Variants in COL21A1 observed in about 807,000 individuals in gnomAD.
COL21A1 encodes the protein collagen type XXI alpha 1 chain.
In COL21A1, 149 loss-of-function variants were observed where a neutral mutation model predicts 137.9. That is an observed-to-expected ratio of 1.08 (90% CI 0.95 to 1.24). The LOEUF (loss-of-function observed/expected upper bound fraction) is 1.24, where lower values mean the gene tolerates loss of function less well. COL21A1 is among the 50% of genes most tolerant of loss of function. COL21A1 has a pLI of 0.00. For synonymous variants in COL21A1, 456 were observed against 391.5 expected (o/e 1.16, Z -1.95); for missense variants, 1,167 against 1,158.4 (o/e 1.01, Z -0.11).
At chr6:56,198,922 T>G (rs905534383) in intron 1 of COL21A1, among the ~76,000 whole-genome samples, 1 of 152,068 alleles carries the variant, frequency 6.6e-6, no homozygotes, top group African/African-American at 2.4e-5. Flanking sequence ...AATTAAAACA[T>G]GAGTTTTCTT....
At chr6:56,066,283 A>G (rs1041328037) in intron 23 of COL21A1, among the ~76,000 whole-genome samples, 2 of 151,944 alleles carry the variant, frequency 1.3e-5, no homozygotes, top group Non-Finnish European at 2.9e-5. Flanking sequence ...CCACTCTAAA[A>G]CATCTTATGT....
intron 3 of COL21A1, among the ~76,000 whole-genome samples, chr6:56,172,992 A>T (rs1777182621): frequency 6.6e-6 from 1 of 152,150 alleles, no homozygotes; most frequent in African/African-American, 2.4e-5. Flanking sequence ...AGGGACAAAA[A>T]GCTACAGGAA....
chr6:56,070,879 T>C (rs1373921889), intron 20 of COL21A1, 81 bp from the exon 21 acceptor site: 26 of 1,033,596 alleles, frequency 2.5e-5, no homozygotes, highest in Non-Finnish European at 3.5e-5. Context: ...TAAGGGAATA[T>C]ATGTAAAATA....
chr6:56,171,623 C>T (rs1440543023), intron 3 of COL21A1, among the ~76,000 whole-genome samples: 1 of 151,810 alleles, frequency 6.6e-6, no homozygotes, highest in East Asian at 1.9e-4. Context: ...ATTTTCTGTT[C>T]TTGATTTTCT....
chr6:56,161,302 T>C (rs1206892358), intron 9 of COL21A1, among the ~76,000 whole-genome samples: 4 of 152,176 alleles, frequency 2.6e-5, no homozygotes, highest in African/African-American at 9.6e-5. Context: ...CATCTAACGT[T>C]TCAGGTTAGA....
intron 25 of COL21A1, 105 bp from the exon 26 acceptor site, chr6:56,061,142 A>C: frequency 7.8e-6 from 7 of 898,524 alleles, no homozygotes; most frequent in Non-Finnish European, 1.1e-5. Context: ...TACATATGTA[A>C]ATATGTAAGG....
chr6:56,284,468 C>G (rs562080528), intron 1 of COL21A1, among the ~76,000 whole-genome samples: 100 of 152,140 alleles, frequency 6.6e-4, no homozygotes, highest in African/African-American at 2.2e-3. Context: ...ATCAACTTAC[C>G]ACATTTGATT....
intron 1 of COL21A1, among the ~76,000 whole-genome samples, chr6:56,257,517 G>T (rs1195002179): frequency 6.6e-6 from 1 of 151,990 alleles, no homozygotes; most frequent in African/African-American, 2.4e-5. Context: ...TAATGGGCAA[G>T]AAAAAATGAA....
intron 1 of COL21A1, among the ~76,000 whole-genome samples, chr6:56,252,902 G>A (rs2152329404): frequency 6.6e-6 from 1 of 152,260 alleles, no homozygotes; most frequent in East Asian, 1.9e-4. Flanking sequence ...AATGACAGGG[G>A]CCACCTCTAT....
At chr6:56,281,263 T>G (rs1419723418) in intron 1 of COL21A1, among the ~76,000 whole-genome samples, 3 of 152,190 alleles carry the variant, frequency 2.0e-5, no homozygotes, top group Non-Finnish European at 2.9e-5. Context: ...TGAAGATCAT[T>G]GCCTTTCAAT....
At chr6:56,345,187 C>T (rs986511618) in intron 1 of COL21A1, among the ~76,000 whole-genome samples, 1 of 152,016 alleles carries the variant, frequency 6.6e-6, no homozygotes, top group Non-Finnish European at 1.5e-5. Context: ...AAGAGCAACA[C>T]GGATTACTTC....
At chr6:56,074,035 A>AT (rs1766992045) in intron 20 of COL21A1, among the ~76,000 whole-genome samples, 197 bp downstream of exon 20, 1 of 151,466 alleles carries the variant, frequency 6.6e-6, no homozygotes. Context: ...CCTTTCCAAC[A>AT]TAACAGGATG....
chr6:56,057,464 G>A lies in COL21A1; in HGVS notation c.*193C>T. The A allele has an allele frequency of 3.4e-6, 2 of 592,530 alleles. No homozygotes were observed. Among genetic ancestry groups the A allele is most frequent in the Non-Finnish European group, 5.9e-6 (2 of 341,726 alleles). The allele number at this position is 592,530 out of a possible 1,614,324, so 36.7% of individuals were successfully genotyped here. ...GATTTAATTAATGCTGCTAATCCAAGGGCTCCAAATGACTGAGGAGCCTTT... is the reference window on the plus strand; with the variant it reads ...GATTTAATTAATGCTGCTAATCCAAAGGCTCCAAATGACTGAGGAGCCTTT... On this transcript the variant is annotated 3_prime_UTR_variant, in exon 30 of 30. Coordinates refer to ENST00000244728, the MANE Select transcript of COL21A1 (RefSeq NM_030820.4).
chr6:56,112,421 A>G (rs1223226735), intron 16 of COL21A1, among the ~76,000 whole-genome samples: 1 of 152,180 alleles, frequency 6.6e-6, no homozygotes. Context: ...TCAGGTGAGC[A>G]CTCACAGTAC....
intron 1 of COL21A1, among the ~76,000 whole-genome samples, chr6:56,278,052 G>A (rs1054934124): frequency 2.6e-5 from 4 of 152,036 alleles, no homozygotes; most frequent in African/African-American, 9.7e-5. Context: ...TGCAAATCTG[G>A]TCTTTATTTC....
At chr6:56,110,565 T>C (rs1354276208) in intron 16 of COL21A1, among the ~76,000 whole-genome samples, 4 of 152,036 alleles carry the variant, frequency 2.6e-5, no homozygotes, top group Admixed American at 6.5e-5. Context: ...TTGTAGTCAA[T>C]ATAATCATCT....
chr6:56,166,437 C>T (rs942225614), intron 7 of COL21A1, among the ~76,000 whole-genome samples: 5 of 151,918 alleles, frequency 3.3e-5, no homozygotes, highest in Non-Finnish European at 7.4e-5. Flanking sequence ...GAATCACCTG[C>T]GGTCAGGAGT....
At chr6:56,203,733 G>A (rs1454690447) in intron 1 of COL21A1, among the ~76,000 whole-genome samples, 1 of 152,198 alleles carries the variant, frequency 6.6e-6, no homozygotes, top group African/African-American at 2.4e-5. Flanking sequence ...CAACACAGAA[G>A]GTGGGTGATT....
At chr6:56,362,894 A>G (rs1053690877) in intron 1 of COL21A1, among the ~76,000 whole-genome samples, 3 of 151,902 alleles carry the variant, frequency 2.0e-5, no homozygotes, top group Admixed American at 6.6e-5. Context: ...TTGGCAGCAA[A>G]CCCTACCCCC....
Sources: allele counts gnomAD v4.1 joint callset (sites outside exome capture counted in the v4.1 genomes callset), GRCh38; gene constraint gnomAD v4.1.1; transcripts MANE v1.5; gene names NCBI Gene and HGNC (gene_info 2026-07-23, HGNC 2026-07-21).